AFAP1: variants seen among roughly 807,000 people sequenced by gnomAD.
AFAP1 encodes the protein actin filament associated protein 1.
Under a neutral mutation model 93.9 loss-of-function variants are expected in AFAP1, and 75 were observed. The observed-to-expected ratio is 0.80, with a 90% CI of 0.66 to 0.97. The LOEUF is 0.97. AFAP1 is among the 50% of genes least tolerant of loss of function. AFAP1 has a pLI of 0.00. For synonymous variants in AFAP1, 517 were observed against 430.7 expected, an observed-to-expected ratio of 1.20 and a Z score of -2.48; for missense variants, 1,201 against 1,050.8, an observed-to-expected ratio of 1.14 and a Z score of -1.98.
intron 14 of AFAP1, 25 bp downstream of exon 14, chr4:7,778,737 G>A: frequency 1.9e-6 from 3 of 1,605,020 alleles, no homozygotes; most frequent in South Asian, 2.2e-5. Flanking sequence ...AAGCCGGAAT[G>A]CAAGACATCC....
chr4:7,920,569 T>C (rs1720383170), intron 1 of AFAP1, among the ~76,000 whole-genome samples: 1 of 152,162 alleles, frequency 6.6e-6, no homozygotes, highest in African/African-American at 2.4e-5. Context: ...TAAACTACAC[T>C]TGCTTCCCCA....
chr4:7,861,114 T>C (rs28657375), intron 3 of AFAP1, among the ~76,000 whole-genome samples: 118,830 of 152,190 alleles, frequency 0.78, 46,678 homozygotes, highest in East Asian at 0.94. Context: ...ATTTTATATC[T>C]ACAGTGACAC....
At position 7,838,834 on chromosome 4, in the gene AFAP1, TCACACACACA is replaced by T. The variant is rs113955695; in HGVS notation, c.547-141_547-132del. The T allele has an allele frequency of 1.8e-3, 1,341 of 744,908 alleles. 9 individuals carry two copies. In the African/African-American group the frequency reaches 0.022, roughly 12 times the overall value. The allele number at this position is 744,908 out of a possible 1,614,324, so 46.1% of individuals were successfully genotyped here. On this transcript the variant is annotated intron_variant, in intron 5 of 17. Coordinates refer to ENST00000420658, the MANE Select transcript of AFAP1 (RefSeq NM_001134647.2). ...AGTCTGAATCTGCAGATGAGCAGGTTCACACACACACACACACACACACATACACACAGTG... is the reference window on the plus strand; with the variant it reads ...AGTCTGAATCTGCAGATGAGCAGGTTCACACACACACACATACACACAGTG...
At chr4:7,912,754 A>C (rs748992661) in intron 1 of AFAP1, among the ~76,000 whole-genome samples, 36 of 152,104 alleles carry the variant, frequency 2.4e-4, no homozygotes, top group Non-Finnish European at 4.3e-4. Flanking sequence ...TTTGCATTTT[A>C]CATTTTAGTC....
intron 14 of AFAP1, chr4:7,775,976 G>C (rs781691779): frequency 4.6e-5 from 7 of 152,168 alleles, no homozygotes; most frequent in Admixed American, 6.5e-5. Context: ...CTGACCCCAT[G>C]CTCTCTCCTA....
At position 7,824,303 on chromosome 4, in the gene AFAP1, G is replaced by A. The variant is rs1451134705; in HGVS notation, c.727-5132C>T. Among the ~76,000 whole-genome samples the A allele has an allele frequency of 2.0e-5, 3 of 152,170 alleles. 1 individual carries two copies. The highest frequency in any genetic ancestry group is 3.9e-4 in the East Asian group (2 of 5,180). ...TTGTTTGCTTTTAACTTGAGCCCTCGACTCCAGAAACACAATCTCTGCACA... is the reference window on the plus strand; with the variant it reads ...TTGTTTGCTTTTAACTTGAGCCCTCAACTCCAGAAACACAATCTCTGCACA... On this transcript the variant is annotated intron_variant, in intron 6 of 17. Coordinates refer to ENST00000420658, the MANE Select transcript of AFAP1 (RefSeq NM_001134647.2).
At chr4:7,874,494 G>A (rs1201130235) in intron 1 of AFAP1, among the ~76,000 whole-genome samples, 1 of 142,524 alleles carries the variant, frequency 7.0e-6, no homozygotes, top group Non-Finnish European at 1.5e-5. Context: ...CTCCTGAGCA[G>A]CTGGGACTAC....
chr4:7,838,545 T>C lies in AFAP1; in HGVS notation c.705A>G (p.Glu235=). The C allele has an allele frequency of 6.2e-7, 1 of 1,613,868 alleles. No individual in the cohort carries two copies. Among genetic ancestry groups the C allele is most frequent in the Non-Finnish European group, 8.5e-7 (1 of 1,179,886 alleles). ...DPLVLAVQSK[E]QAEQWLKVIK... is the part of the protein sequence containing the mutation. ...CTACCTTCAGCCACTGCTCGGCCTG[T>C]TCCTTGCTCTGGACGGCGAGAACAA... The change falls in exon 6 of 18, where the codon GAA becomes GAG. Residue 235 remains glutamate (E), a synonymous_variant. Transcript: ENST00000420658.
At chr4:7,777,101 C>T (rs964840907) in intron 14 of AFAP1, 5 of 152,152 alleles carry the variant, frequency 3.3e-5, no homozygotes, top group Admixed American at 1.3e-4. Flanking sequence ...AACACCATGG[C>T]GATTGAGACT....
chr4:7,763,976 T>C (rs1303732589), intron 17 of AFAP1, among the ~76,000 whole-genome samples, 185 bp from the exon 18 acceptor site: 2 of 152,134 alleles, frequency 1.3e-5, no homozygotes, highest in East Asian at 3.8e-4. Flanking sequence ...ATGGAGAGCA[T>C]GGTCTCCAGC....
intron 1 of AFAP1, among the ~76,000 whole-genome samples, chr4:7,886,680 G>A (rs533879878): frequency 1.3e-5 from 2 of 152,058 alleles, no homozygotes; most frequent in Non-Finnish European, 2.9e-5. Flanking sequence ...TCCTTCTATT[G>A]TTCTGTAGAA....
intron 4 of AFAP1, among the ~76,000 whole-genome samples, chr4:7,844,782 C>T (rs993950134): frequency 1.3e-5 from 2 of 152,240 alleles, no homozygotes; most frequent in Admixed American, 6.5e-5. Context: ...TTACTTTCAG[C>T]TGCGCTGGAT....
intron 9 of AFAP1, among the ~76,000 whole-genome samples, chr4:7,806,157 C>T (rs920838411): frequency 5.9e-5 from 9 of 152,310 alleles, no homozygotes; most frequent in East Asian, 5.8e-4. Context: ...ATTATCTACG[C>T]GGCTGTGTGC....
intron 6 of AFAP1, among the ~76,000 whole-genome samples, chr4:7,824,709 A>AT (rs1212982012): frequency 6.6e-6 from 1 of 152,164 alleles, no homozygotes; most frequent in Non-Finnish European, 1.5e-5. Context: ...CTACACGTGA[A>AT]TGGAGAGTGG....
intron 2 of AFAP1, among the ~76,000 whole-genome samples, chr4:7,870,267 G>A (rs796274311): frequency 2.6e-5 from 4 of 152,298 alleles, no homozygotes; most frequent in African/African-American, 9.6e-5. Flanking sequence ...CTATGATAAA[G>A]GGCCTTGTGG....
chr4:7,784,316 G>C (rs1468299560), intron 12 of AFAP1, among the ~76,000 whole-genome samples: 1 of 152,114 alleles, frequency 6.6e-6, no homozygotes, highest in Non-Finnish European at 1.5e-5. Context: ...GTGCCACCCT[G>C]TCCTAACATG....
intron 6 of AFAP1, among the ~76,000 whole-genome samples, chr4:7,830,545 T>C (rs1212853691): frequency 6.6e-6 from 1 of 152,214 alleles, no homozygotes; most frequent in African/African-American, 2.4e-5. Context: ...TTCTAAAACA[T>C]GAATAAAGTA....
chr4:7,922,836 T>G (rs753588910), intron 1 of AFAP1, among the ~76,000 whole-genome samples: 4 of 152,002 alleles, frequency 2.6e-5, no homozygotes, highest in Non-Finnish European at 5.9e-5. Flanking sequence ...AATTTAAAAA[T>G]TAGCTAGGCA....
At chr4:7,891,835 G>A (rs1021987713) in intron 1 of AFAP1, among the ~76,000 whole-genome samples, 3 of 151,276 alleles carry the variant, frequency 2.0e-5, no homozygotes, top group Admixed American at 1.3e-4. Flanking sequence ...GATCACCTGG[G>A]GTCAGGAGTT....
Sources: allele counts gnomAD v4.1 joint callset (sites outside exome capture counted in the v4.1 genomes callset), GRCh38; gene constraint gnomAD v4.1.1; transcripts MANE v1.5; gene names NCBI Gene and HGNC (gene_info 2026-07-23, HGNC 2026-07-21).